The following CNKSR2 variants were observed in gnomAD, a reference collection of about 807,000 sequenced individuals.
CNKSR2 encodes CNK homolog protein 2.
A neutral mutation model predicts 84.4 loss-of-function variants in CNKSR2; 14 were observed. That is an observed-to-expected ratio of 0.17 (90% confidence interval 0.11 to 0.26). CNKSR2 has a LOEUF of 0.26. Among genes scored for constraint, CNKSR2 ranks in the 10% least tolerant of loss-of-function variants. CNKSR2 has a pLI of 1.00. For missense variants in CNKSR2, 485 were observed against 771.2 expected, an observed-to-expected ratio of 0.63 and a Z score of 4.40; for synonymous variants, 275 against 277.9, an observed-to-expected ratio of 0.99 and a Z score of 0.10.
intron 8 of CNKSR2, 70 bp from the exon 9 acceptor site, chrX:21,516,415 A>T (rs2091729092): frequency 6.7e-6 from 7 of 1,044,066 alleles, no homozygotes; most frequent in African/African-American, 1.9e-5. Context: ...TAATCTTATT[A>T]AAGGGGGAGA....
intron 20 of CNKSR2, among the ~76,000 whole-genome samples, chrX:21,617,630 C>T (rs777796678): frequency 2.7e-5 from 3 of 111,276 alleles, no homozygotes; most frequent in African/African-American, 9.8e-5. Flanking sequence ...ATATCTCTAT[C>T]TTGTAACTCA....
intron 7 of CNKSR2, among the ~76,000 whole-genome samples, chrX:21,501,313 TTTTTC>T (rs1456589786): frequency 2.7e-5 from 3 of 109,708 alleles, no homozygotes; most frequent in Non-Finnish European, 3.9e-5. Flanking sequence ...TTTATTAATT[TTTTTC>T]TTTCTATGTT....
In CNKSR2 at chrX:21,435,822, GT is replaced by G. The variant is rs761313728; in HGVS notation, c.431+3015del. Among the ~76,000 whole-genome samples the G allele has an allele frequency of 8.1e-5, 9 of 111,306 alleles. No homozygotes were observed. The South Asian group carries it at 3.0e-3, about 37-fold the overall frequency. ...GTTTATTTTGCCTTTCATAGTAAAA[GT>G]TTTTTTCCTTCATTTTTACCAGTAA... On this transcript the variant is annotated intron_variant, in intron 3 of 21. Coordinates refer to ENST00000379510, the MANE Select transcript of CNKSR2 (RefSeq NM_014927.5).
intron 1 of CNKSR2, among the ~76,000 whole-genome samples, chrX:21,407,268 T>C (rs1245037023): frequency 9.0e-6 from 1 of 111,699 alleles, no homozygotes; most frequent in African/African-American, 3.2e-5. Flanking sequence ...ACAGAAAACA[T>C]GTCTCCTAAT....
intron 11 of CNKSR2, among the ~76,000 whole-genome samples, chrX:21,540,152 C>G (rs932100906): frequency 4.5e-5 from 5 of 112,100 alleles, no homozygotes; most frequent in Non-Finnish European, 9.4e-5. Flanking sequence ...AAGGTGTGCA[C>G]CAAGTGCTGT....
At chrX:21,443,249 G>A (rs1271013596) in intron 4 of CNKSR2, among the ~76,000 whole-genome samples, 2 of 111,707 alleles carry the variant, frequency 1.8e-5, no homozygotes, top group Non-Finnish European at 3.8e-5. Flanking sequence ...GGAATAAAGA[G>A]ACTTGATAAA....
At chrX:21,455,671 C>T (rs1301582874) in intron 4 of CNKSR2, among the ~76,000 whole-genome samples, 3 of 112,265 alleles carry the variant, frequency 2.7e-5, no homozygotes, top group African/African-American at 9.7e-5. Context: ...TTGATCATAA[C>T]ACTCTTCTGC....
intron 13 of CNKSR2, among the ~76,000 whole-genome samples, chrX:21,583,656 C>T (rs1007460653): frequency 8.9e-6 from 1 of 111,947 alleles, no homozygotes; most frequent in African/African-American, 3.2e-5. Flanking sequence ...ACTTTGATTG[C>T]AAATTTTTCC....
At chrX:21,492,973 T>C (rs961348423) in intron 6 of CNKSR2, 2 of 112,035 alleles carry the variant, frequency 1.8e-5, no homozygotes, top group Non-Finnish European at 3.8e-5. Context: ...TACCAAGATT[T>C]AATGAAATTT....
At chrX:21,384,515 G>A (rs1156582175) in intron 1 of CNKSR2, among the ~76,000 whole-genome samples, 3 of 111,796 alleles carry the variant, frequency 2.7e-5, no homozygotes, top group Non-Finnish European at 3.8e-5. Flanking sequence ...TTTATTTATG[G>A]TAAAAACCTG....
intron 3 of CNKSR2, among the ~76,000 whole-genome samples, chrX:21,435,933 A>ATTTC (rs758099405): frequency 4.5e-5 from 5 of 111,343 alleles, no homozygotes; most frequent in African/African-American, 1.6e-4. Flanking sequence ...TATCATTGAA[A>ATTTC]ACCTTTTACA....
At chrX:21,523,036 T>C (rs184227569) in intron 9 of CNKSR2, among the ~76,000 whole-genome samples, 11 of 110,971 alleles carry the variant, frequency 9.9e-5, no homozygotes, top group African/African-American at 3.6e-4. Context: ...TGATTTTATT[T>C]AGGATTTGGA....
intron 7 of CNKSR2, among the ~76,000 whole-genome samples, chrX:21,499,435 G>T (rs1196462197): frequency 9.0e-6 from 1 of 111,124 alleles, no homozygotes; most frequent in African/African-American, 3.3e-5. Flanking sequence ...AAGAATCACA[G>T]AAATGGTTAT....
intron 21 of CNKSR2, among the ~76,000 whole-genome samples, chrX:21,649,931 A>G (rs1009022269): frequency 1.7e-4 from 19 of 111,960 alleles, no homozygotes; most frequent in African/African-American, 3.2e-4. Flanking sequence ...AACAACAGAT[A>G]CTGGAGAGGA....
intron 11 of CNKSR2, among the ~76,000 whole-genome samples, chrX:21,552,894 A>C (rs948575336): frequency 8.9e-6 from 1 of 112,214 alleles, no homozygotes; most frequent in Non-Finnish European, 1.9e-5. Context: ...GAGATAAGTA[A>C]AAATTACACA....
At chrX:21,394,133 G>A (rs1601729745) in intron 1 of CNKSR2, among the ~76,000 whole-genome samples, 1 of 111,794 alleles carries the variant, frequency 8.9e-6, no homozygotes, top group Non-Finnish European at 1.9e-5. Context: ...GTTTTATAGT[G>A]AATAGCTGAG....
chrX:21,501,563 T>C lies in CNKSR2; in HGVS notation c.785T>C (p.Val262Ala). Residue 262 changes from valine (V) to alanine (A), a missense_variant, in exon 8 of 22, where the codon GTG (valine) becomes GCG (alanine). Val to Ala is a moderately conservative substitution (Grantham distance 64). Around this residue, in one of 5 missense-constraint regions of CNKSR2, gnomAD observed 109 missense variants for 197.5 expected, o/e 0.55. Transcript: ENST00000379510. The stretch of plus-strand genomic sequence containing the variant: ...AAGAAAATCCATGCTGGCGATGAAG[T>C]GATTCAAGTTAATCATCAGACTGTG... ...RCKKIHAGDE[V>A]IQVNHQTVVG... 1 of 1,166,385 alleles carries C rather than the reference T, an allele frequency of 8.6e-7. No individual in the cohort carries two copies. Among genetic ancestry groups the C allele is most frequent in the Non-Finnish European group, 1.2e-6 (1 of 861,796 alleles).
intron 19 of CNKSR2, among the ~76,000 whole-genome samples, chrX:21,608,391 G>T (rs925344592): frequency 9.0e-6 from 1 of 111,678 alleles, no homozygotes; most frequent in African/African-American, 3.3e-5. Context: ...GTTATGTTTT[G>T]TGCTATAACA....
chrX:21,648,794 C>CTTTT lies in CNKSR2; in HGVS notation c.2693-15_2693-12dup, dbSNP rs33962399. On this transcript the variant is annotated intron_variant, in intron 20 of 21. Transcript: ENST00000379510. ...TTTCTCTCTCTCTCTCTCTCTCTTT[C>CTTTT]TTTTTTTTTTTTTTTTTTTTTTTTT... 1,394 of 314,178 alleles carry CTTTT rather than the reference C, an allele frequency of 4.4e-3. 39 individuals are homozygous for CTTTT. The highest frequency in any genetic ancestry group is 0.014 in the African/African-American group (230 of 16,050). The allele number at this position is 314,178 out of a possible 1,213,427, so 25.9% of individuals were successfully genotyped here.
Sources: allele counts gnomAD v4.1 joint callset (sites outside exome capture counted in the v4.1 genomes callset), GRCh38; gene constraint gnomAD v4.1.1; regional missense constraint gnomAD v4.1.1; transcripts MANE v1.5; gene names NCBI Gene and HGNC (gene_info 2026-07-23, HGNC 2026-07-21).